GTF2F2: variants seen among roughly 807,000 people sequenced by gnomAD.
The protein encoded by GTF2F2 is ATP-dependent helicase GTF2F2.
GTF2F2 carries 23 observed loss-of-function variants against 42.2 expected under a neutral mutation model. That is an observed-to-expected ratio of 0.55 (90% confidence interval 0.39 to 0.77). The LOEUF (loss-of-function observed/expected upper bound fraction) is 0.77, where lower values mean the gene tolerates loss of function less well. Ranked by LOEUF, GTF2F2 falls within the 30% of genes least tolerant of loss-of-function variation. The pLI, the probability that GTF2F2 is intolerant of heterozygous loss-of-function variation, is 0.00. For missense variants in GTF2F2, 261 were observed against 287.2 expected, an observed-to-expected ratio of 0.91 and a Z score of 0.66; for synonymous variants, 105 against 100.8, an observed-to-expected ratio of 1.04 and a Z score of -0.25.
intron 1 of GTF2F2, among the ~76,000 whole-genome samples, chr13:45,127,546 C>CACCATGTTGCCCAGGTT (rs1193758911): frequency 6.9e-6 from 1 of 144,452 alleles, no homozygotes; most frequent in Non-Finnish European, 1.5e-5. Flanking sequence ...CCAGGCTGAT[C>CACCATGTTGCCCAGGTT]TCAAATTCCT....
At chr13:45,259,647 CTTTTTTTTTTTTTT>C (rs1172870085) in intron 6 of GTF2F2, among the ~76,000 whole-genome samples, 10 of 72,230 alleles carry the variant, frequency 1.4e-4, no homozygotes, top group African/African-American at 5.4e-4. Context: ...AAACCTAGAA[CTTTTTTTTTTTTTT>C]TTTTTTTTTT....
chr13:45,123,714 G>A (rs1185370510), intron 1 of GTF2F2, among the ~76,000 whole-genome samples: 1 of 151,386 alleles, frequency 6.6e-6, no homozygotes, highest in African/African-American at 2.4e-5. Flanking sequence ...TATAGTAGTA[G>A]ATTGTTTACC....
chr13:45,254,069 CAAAAAAAA>C (rs770265378), intron 6 of GTF2F2, among the ~76,000 whole-genome samples: 3 of 58,200 alleles, frequency 5.2e-5, no homozygotes, highest in Non-Finnish European at 1.1e-4. Context: ...GACTCCGTCT[CAAAAAAAA>C]AAAAAAAAAG....
At chr13:45,175,894 A>G (rs140059471) in intron 4 of GTF2F2, among the ~76,000 whole-genome samples, 1 of 152,304 alleles carries the variant, frequency 6.6e-6, no homozygotes, top group East Asian at 1.9e-4. Flanking sequence ...AAAGTGTTGG[A>G]TTACAGGCAT....
intron 5 of GTF2F2, among the ~76,000 whole-genome samples, chr13:45,247,469 T>C (rs1462675182): frequency 6.6e-6 from 1 of 151,422 alleles, no homozygotes; most frequent in Admixed American, 6.6e-5. Flanking sequence ...CTCAGCTCAC[T>C]GCAACCTCCG....
intron 5 of GTF2F2, among the ~76,000 whole-genome samples, chr13:45,245,697 A>G (rs1875560202): frequency 1.4e-5 from 1 of 69,462 alleles, no homozygotes; most frequent in South Asian, 3.1e-4. Flanking sequence ...ATATATATAT[A>G]TATACATATA....
intron 4 of GTF2F2, among the ~76,000 whole-genome samples, chr13:45,181,381 G>A: frequency 6.6e-6 from 1 of 151,974 alleles, no homozygotes; most frequent in Non-Finnish European, 1.5e-5. Flanking sequence ...TGCTTTTGCT[G>A]TAAAATAATG....
chr13:45,165,324 TA>T (rs1338649538), intron 4 of GTF2F2, among the ~76,000 whole-genome samples: 7 of 132,370 alleles, frequency 5.3e-5, no homozygotes, highest in South Asian at 4.4e-4. Context: ...TATATATATA[TA>T]TATATATTTT....
At chr13:45,264,947 TCTG>T (rs1876501874) in intron 6 of GTF2F2, among the ~76,000 whole-genome samples, 1 of 152,188 alleles carries the variant, frequency 6.6e-6, no homozygotes, top group Admixed American at 6.5e-5. Flanking sequence ...CCATCACTTC[TCTG>T]CTATTTCCTG....
chr13:45,163,514 C>T (rs780389280), intron 4 of GTF2F2, among the ~76,000 whole-genome samples: 2 of 151,282 alleles, frequency 1.3e-5, no homozygotes, highest in African/African-American at 2.4e-5. Context: ...CCAGCCTGGG[C>T]GACAGAGTGA....
chr13:45,279,737 C>G (rs1317414760), intron 7 of GTF2F2, among the ~76,000 whole-genome samples: 1 of 152,150 alleles, frequency 6.6e-6, no homozygotes, highest in Admixed American at 6.5e-5. Context: ...GAAACTCCGT[C>G]TCTCCTAAAA....
chr13:45,152,978 C>A (rs1025942741), intron 4 of GTF2F2, among the ~76,000 whole-genome samples: 1 of 151,344 alleles, frequency 6.6e-6, no homozygotes, highest in African/African-American at 2.4e-5. Flanking sequence ...ATGTTAAGAA[C>A]ACCATTGTTT....
intron 3 of GTF2F2, 105 bp from the exon 4 acceptor site, chr13:45,151,582 G>A (rs1390884336): frequency 3.0e-6 from 2 of 664,390 alleles, no homozygotes; most frequent in East Asian, 3.2e-5. Flanking sequence ...TTAATGAAAT[G>A]ACTGGAAAAC....
intron 5 of GTF2F2, among the ~76,000 whole-genome samples, chr13:45,226,988 A>C (rs1192272595): frequency 6.6e-6 from 1 of 152,168 alleles, no homozygotes; most frequent in Admixed American, 6.5e-5. Context: ...GCTACTGGGG[A>C]GAAATAGGAG....
In GTF2F2 at chr13:45,270,113, A is replaced by G. The variant is rs117080117; in HGVS notation, c.630+2737A>G. On this transcript the variant is annotated intron_variant, in intron 7 of 7. Coordinates refer to ENST00000340473, the MANE Select transcript of GTF2F2 (RefSeq NM_004128.3). ...TCCCGAAGTGCTGAGATTACACGTG[A>G]GCTACCGTTCCTGGCCAAAACCTTC... 2.9e-3 allele frequency among the ~76,000 whole-genome samples: 438 copies of G among 152,238 alleles called. 9 individuals are homozygous for G. In the East Asian group the frequency reaches 0.06, roughly 21 times the overall value.
At chr13:45,155,952 A>G (rs989216715) in intron 4 of GTF2F2, among the ~76,000 whole-genome samples, 2 of 150,928 alleles carry the variant, frequency 1.3e-5, no homozygotes, top group Non-Finnish European at 3.0e-5. Context: ...TGGCATTCCT[A>G]CTTTTATTCA....
At chr13:45,261,068 G>C (rs553891613) in intron 6 of GTF2F2, among the ~76,000 whole-genome samples, 1 of 152,120 alleles carries the variant, frequency 6.6e-6, no homozygotes, top group Non-Finnish European at 1.5e-5. Context: ...GGAGGCTGCA[G>C]TGAGGTGAGA....
In GTF2F2 at chr13:45,263,065, G is replaced by C. The variant is rs7990986; in HGVS notation, c.487-4168G>C. 2.1e-3 allele frequency among the ~76,000 whole-genome samples: 323 copies of C among 152,034 alleles called. 4 individuals are homozygous for C. The highest frequency in any genetic ancestry group is 7.4e-3 in the African/African-American group (305 of 41,466). ...AAAACAATCTTCTATAAATTATCCCGTAGTTAAACAGTCCCTGAGGACATT... is the reference window on the plus strand; with the variant it reads ...AAAACAATCTTCTATAAATTATCCCCTAGTTAAACAGTCCCTGAGGACATT... On this transcript the variant is annotated intron_variant, in intron 6 of 7. Transcript: ENST00000340473.
intron 5 of GTF2F2, among the ~76,000 whole-genome samples, chr13:45,245,927 G>A (rs1170982963): frequency 3.7e-5 from 5 of 134,272 alleles, no homozygotes; most frequent in Admixed American, 7.6e-5. Flanking sequence ...GGCGACTAGC[G>A]AGACTCCATC....
Sources: allele counts gnomAD v4.1 joint callset (sites outside exome capture counted in the v4.1 genomes callset), GRCh38; gene constraint gnomAD v4.1.1; transcripts MANE v1.5; gene names NCBI Gene and HGNC (gene_info 2026-07-23, HGNC 2026-07-21).